Variants in MAP4K5 observed in about 807,000 individuals in gnomAD.
MAP4K5 encodes the protein MAPK/ERK kinase kinase kinase 5.
MAP4K5 carries 82 observed loss-of-function variants against 135.6 expected under a neutral mutation model. The observed-to-expected ratio is 0.60, with a 90% CI of 0.51 to 0.73. The LOEUF (loss-of-function observed/expected upper bound fraction) is 0.73. Among genes scored for constraint, MAP4K5 ranks in the 30% least tolerant of loss-of-function variants. The pLI is 0.00. For missense variants in MAP4K5, 907 were observed against 1,010.9 expected, an observed-to-expected ratio of 0.90 and a Z score of 1.39; for synonymous variants, 347 against 335.0, an observed-to-expected ratio of 1.04 and a Z score of -0.39.
intron 9 of MAP4K5, among the ~76,000 whole-genome samples, chr14:50,470,653 TACACAC>T (rs59377868): frequency 0.1 from 14,855 of 149,082 alleles, 836 homozygotes; most frequent in East Asian, 0.19. Flanking sequence ...CATCCATTTT[TACACAC>T]ACACACACAC....
At chr14:50,535,915 A>G (rs990313952), upstream of MAP4K5, among the ~76,000 whole-genome samples, 3 of 152,188 alleles carry the variant, frequency 2.0e-5, no homozygotes, top group African/African-American at 7.2e-5. Flanking sequence ...TGCTGTTTTC[A>G]TGATAGTGAA....
chr14:50,461,827 G>A (rs186759785), intron 13 of MAP4K5, among the ~76,000 whole-genome samples: 3 of 151,924 alleles, frequency 2.0e-5, no homozygotes, highest in East Asian at 1.9e-4. Flanking sequence ...GCTGAGGCAG[G>A]AGAATCACTT....
intron 1 of MAP4K5, chr14:50,560,485 G>C (rs1390465281): frequency 1.3e-6 from 1 of 747,140 alleles, no homozygotes; most frequent in Non-Finnish European, 2.2e-6. Flanking sequence ...CCGCGTCACC[G>C]AATCGCGCTG....
chr14:50,450,783 A>G (rs1335085951), intron 14 of MAP4K5, among the ~76,000 whole-genome samples: 3 of 152,176 alleles, frequency 2.0e-5, no homozygotes, highest in Non-Finnish European at 4.4e-5. Flanking sequence ...AACCTGACAC[A>G]AGCCTTGAAA....
At chr14:50,559,795 G>T in intron 1 of MAP4K5, 1 of 159,776 alleles carries the variant, frequency 6.3e-6, no homozygotes. Context: ...TAGCTACTTT[G>T]GCTATATAAA....
At position 50,496,936 on chromosome 14, in the gene MAP4K5, A is replaced by T. The variant is rs190668080; in HGVS notation, c.166+7864T>A. 2.4e-3 allele frequency among the ~76,000 whole-genome samples: 362 copies of T among 152,348 alleles called. 2 individuals carry two copies. Among genetic ancestry groups the T allele is most frequent in the South Asian group, 7.9e-3 (38 of 4,830 alleles). On this transcript the variant is annotated intron_variant, in intron 3 of 32. Transcript: ENST00000682126. The stretch of plus-strand genomic sequence containing the variant: ...AGCAAAATTACAATGTAAAAATTAG[A>T]TCTCTTAATTAATATTTGCAATGGC...
intron 2 of MAP4K5, among the ~76,000 whole-genome samples, chr14:50,538,681 C>T (rs2038523839): frequency 6.6e-6 from 1 of 152,202 alleles, no homozygotes; most frequent in South Asian, 2.1e-4. Context: ...CTGCATAGCT[C>T]TTGCAGGATT....
At chr14:50,449,392 CAT>C (rs1157344966) in intron 14 of MAP4K5, 1 of 151,942 alleles carries the variant, frequency 6.6e-6, no homozygotes, top group Non-Finnish European at 1.5e-5. Flanking sequence ...TATTCTAAAA[CAT>C]AGAAAAGGAG....
In MAP4K5 at chr14:50,486,203, CA is replaced by C. The variant is rs1351399780; in HGVS notation, c.167-10del. 2 of 940,972 alleles carry C rather than the reference CA, an allele frequency of 2.1e-6. No individual in the cohort carries two copies. Among genetic ancestry groups the C allele is most frequent in the Non-Finnish European group, 3.2e-6 (2 of 621,554 alleles). 58.3% of individuals were successfully genotyped at this position (940,972 alleles called of 1,614,324 possible). A position where few individuals can be genotyped will look rare whatever the true frequency, so the allele number is the denominator to read the frequency against. ...CAAAGAAAAATCATCTCCTGGAAAA[CA>C]AAATAAGTTGTTTATCATGTTACTC... On this transcript the variant is annotated splice_polypyrimidine_tract_variant and intron_variant, in intron 3 of 32. Transcript: ENST00000682126.
chr14:50,462,848 C>G, intron 12 of MAP4K5, 67 bp from the exon 13 acceptor site: 1 of 903,138 alleles, frequency 1.1e-6, no homozygotes, highest in Non-Finnish European at 1.8e-6. Context: ...AAAATGCTAT[C>G]TTCATTTTTT....
chr14:50,426,016 A>G, intron 30 of MAP4K5, 39 bp from the exon 31 acceptor site: 1 of 1,257,878 alleles, frequency 7.9e-7, no homozygotes, highest in Non-Finnish European at 1.2e-6. Flanking sequence ...AATATAAAGC[A>G]CAGAGCATTT....
At chr14:50,533,656 A>T (rs1248664140), upstream of MAP4K5, among the ~76,000 whole-genome samples, 1 of 152,204 alleles carries the variant, frequency 6.6e-6, no homozygotes, top group African/African-American at 2.4e-5. Context: ...ACACTCAGCC[A>T]CTGCATTTAG....
rs1163513831 is a variant in MAP4K5 at position 50,464,130 on chromosome 14, T to C, written c.741A>G (p.Ser247=). 6 of 1,488,586 alleles carry C rather than the reference T, an allele frequency of 4.0e-6. No individual in the cohort carries two copies. Among genetic ancestry groups the C allele is most frequent in the Non-Finnish European group, 5.5e-6 (6 of 1,091,526 alleles). 92.2% of individuals were successfully genotyped at this position (1,488,586 alleles called of 1,614,324 possible). A position where few individuals can be genotyped will look rare whatever the true frequency, so the allele number is the denominator to read the frequency against. ...TTTTGACAAAATTATGGAATGTTGA[T>C]GACCTTAAAATAAAAAGAGACGTAC... ...PPKLKDKTKW[S]STFHNFVKIA... The change falls in exon 12 of 33, where the codon TCA becomes TCG. Residue 247 remains serine (S), a synonymous_variant. Transcript: ENST00000682126.
At chr14:50,446,944 C>T (rs991669002) in intron 16 of MAP4K5, among the ~76,000 whole-genome samples, 1 of 151,982 alleles carries the variant, frequency 6.6e-6, no homozygotes, top group Non-Finnish European at 1.5e-5. Flanking sequence ...AATGTATTTA[C>T]TATTCTTAGT....
At chr14:50,427,621 TTTGA>T (rs1484685490) in intron 30 of MAP4K5, among the ~76,000 whole-genome samples, 3 of 152,238 alleles carry the variant, frequency 2.0e-5, no homozygotes, top group African/African-American at 7.2e-5. Flanking sequence ...TTTTAGTGCC[TTTGA>T]TTTATGGTAG....
chr14:50,461,824 C>T (rs2036717623), intron 13 of MAP4K5, among the ~76,000 whole-genome samples: 1 of 151,492 alleles, frequency 6.6e-6, no homozygotes, highest in African/African-American at 2.4e-5. Flanking sequence ...GAGGCTGAGG[C>T]AGGAGAATCA....
chr14:50,485,694 A>G, intron 4 of MAP4K5, 52 bp from the exon 5 acceptor site: 1 of 1,117,990 alleles, frequency 8.9e-7, no homozygotes, highest in Non-Finnish European at 1.3e-6. Context: ...TCAATCACTG[A>G]AATACTCTAA....
chr14:50,487,219 A>C (rs1353093411), intron 3 of MAP4K5, among the ~76,000 whole-genome samples: 1 of 152,208 alleles, frequency 6.6e-6, no homozygotes, highest in Non-Finnish European at 1.5e-5. Context: ...AAGGCAGGAG[A>C]ATCGCTTGAA....
intron 2 of MAP4K5, among the ~76,000 whole-genome samples, chr14:50,530,049 C>A (rs981641359): frequency 1.3e-5 from 2 of 152,060 alleles, no homozygotes; most frequent in Admixed American, 6.5e-5. Context: ...GCTAAGAACG[C>A]CTTAAGGATG....
Sources: allele counts gnomAD v4.1 joint callset (sites outside exome capture counted in the v4.1 genomes callset), GRCh38; gene constraint gnomAD v4.1.1; transcripts MANE v1.5; gene names NCBI Gene and HGNC (gene_info 2026-07-23, HGNC 2026-07-21).